Variants in SAMD8 observed in about 807,000 individuals in gnomAD.
SAMD8 encodes sphingomyelin synthase-related protein 1.
Under a neutral mutation model 42.0 loss-of-function variants are expected in SAMD8, and 20 were observed. The ratio of observed to expected loss-of-function variants is 0.48; its 90% CI spans 0.34 to 0.69. The LOEUF (loss-of-function observed/expected upper bound fraction) is 0.69. Ranked by LOEUF, SAMD8 falls within the 30% of genes least tolerant of loss-of-function variation. SAMD8 has a pLI of 0.01. For missense variants in SAMD8, 328 were observed against 511.6 expected, an observed-to-expected ratio of 0.64 and a Z score of 3.46; for synonymous variants, 162 against 173.0, an observed-to-expected ratio of 0.94 and a Z score of 0.50.
intron 4 of SAMD8, among the ~76,000 whole-genome samples, chr10:75,171,565 A>G (rs1032497324): frequency 3.9e-5 from 6 of 152,198 alleles, no homozygotes; most frequent in African/African-American, 1.4e-4. Flanking sequence ...CATTGTGGAT[A>G]CCAGGCTCCA....
chr10:75,135,582 T>G (rs1197335511), intron 1 of SAMD8, among the ~76,000 whole-genome samples: 1 of 152,032 alleles, frequency 6.6e-6, no homozygotes, highest in Non-Finnish European at 1.5e-5. Flanking sequence ...TCCCAGCACT[T>G]TGGGAGGCCG....
chr10:75,147,729 G>C (rs971650228), intron 1 of SAMD8, among the ~76,000 whole-genome samples: 1 of 152,228 alleles, frequency 6.6e-6, no homozygotes, highest in Non-Finnish European at 1.5e-5. Flanking sequence ...AAGTAATTTA[G>C]TCAGAGATAC....
intron 2 of SAMD8, among the ~76,000 whole-genome samples, chr10:75,152,728 T>C (rs1840321466): frequency 6.6e-6 from 1 of 151,824 alleles, no homozygotes; most frequent in Admixed American, 6.6e-5. Context: ...TAGCCAAGCA[T>C]GATGGCACAT....
At chr10:75,145,969 G>A (rs901400615) in intron 1 of SAMD8, among the ~76,000 whole-genome samples, 1 of 152,150 alleles carries the variant, frequency 6.6e-6, no homozygotes, top group Non-Finnish European at 1.5e-5. Context: ...GTCTTGGTTA[G>A]TTTCCTTACA....
chr10:75,124,809 C>CT (rs199513847), intron 1 of SAMD8, among the ~76,000 whole-genome samples: 11,779 of 144,962 alleles, frequency 0.081, 522 homozygotes, highest in Middle Eastern at 0.13. Flanking sequence ...TTCTTTTTTT[C>CT]TTTTTTTTTT....
At position 75,134,230 on chromosome 10, in the gene SAMD8, G is replaced by A. The variant is rs372997804; in HGVS notation, c.-15-16284G>A. Among the ~76,000 whole-genome samples the A allele has an allele frequency of 2.4e-4, 36 of 152,250 alleles. 2 individuals are homozygous for A. The East Asian group carries it at 5.4e-3, about 23-fold the overall frequency. ...GAACATCAGGATAAATAGCTAATGC[G>A]TGCAGGGCTTAATACCTAGGTGATG... On this transcript the variant is annotated intron_variant, in intron 1 of 5. Transcript: ENST00000542569.
chr10:75,168,719 A>G (rs557091324), intron 4 of SAMD8, 61 bp downstream of exon 4: 11 of 1,007,138 alleles, frequency 1.1e-5, no homozygotes, highest in Middle Eastern at 4.1e-4. Context: ...ACTATATGCA[A>G]TAGGGCTAAG....
intron 2 of SAMD8, chr10:75,164,405 C>A: frequency 3.2e-5 from 13 of 401,100 alleles, no homozygotes; most frequent in Non-Finnish European, 4.0e-5. Flanking sequence ...TTTTTTTCCT[C>A]TGGTATTTGC....
chr10:75,116,648 T>C (rs1014061818), intron 1 of SAMD8, among the ~76,000 whole-genome samples: 6 of 152,180 alleles, frequency 3.9e-5, no homozygotes, highest in African/African-American at 1.4e-4. Context: ...GGAATTGATG[T>C]CAGTTCCATC....
intron 1 of SAMD8, among the ~76,000 whole-genome samples, chr10:75,129,650 G>A (rs1212128866): frequency 6.6e-6 from 1 of 152,114 alleles, no homozygotes; most frequent in Admixed American, 6.6e-5. Flanking sequence ...AGTAGAAAAT[G>A]GTTTGTTTAT....
intron 2 of SAMD8, among the ~76,000 whole-genome samples, chr10:75,163,272 C>T (rs991037469): frequency 3.9e-5 from 6 of 152,088 alleles, no homozygotes; most frequent in Non-Finnish European, 8.8e-5. Flanking sequence ...ATAAAATTAA[C>T]ATGTCATTGT....
chr10:75,105,873 G>A (rs1564666911), intron 1 of SAMD8: 1 of 1,545,902 alleles, frequency 6.5e-7, no homozygotes, highest in Non-Finnish European at 8.7e-7. Context: ...CCTTGGCTGA[G>A]GAAGACATCC....
At chr10:75,171,875 A>T (rs1840875791) in intron 4 of SAMD8, among the ~76,000 whole-genome samples, 1 of 151,956 alleles carries the variant, frequency 6.6e-6, no homozygotes, top group Admixed American at 6.6e-5. Flanking sequence ...AAATACAAAT[A>T]ATTAGCTGGG....
rs746078445 is a variant in SAMD8, at chr10:75,103,982, T to G, written c.-16+4254T>G. 8.2e-6 allele frequency: 11 copies of G among 1,346,780 alleles called. No individual in the cohort carries two copies. In the Admixed American group the frequency reaches 2.2e-4, roughly 27 times the overall value. The allele number at this position is 1,346,780 out of a possible 1,614,324, so 83.4% of individuals were successfully genotyped here. A position where few individuals can be genotyped will look rare whatever the true frequency, so the allele number is the denominator to read the frequency against. On this transcript the variant is annotated intron_variant, in intron 1 of 3. Coordinates refer to the SAMD8 transcript ENST00000447533. Reference sequence around the variant, plus strand: ...GCAGGCTCTAGGGCCGACCCCACGCTGGGCTTCCACCATCTTCTGTGTGTC... The same window carrying G: ...GCAGGCTCTAGGGCCGACCCCACGCGGGGCTTCCACCATCTTCTGTGTGTC...
At chr10:75,106,531 C>CT in intron 1 of SAMD8, among the ~76,000 whole-genome samples, 3 of 152,210 alleles carry the variant, frequency 2.0e-5, no homozygotes, top group Non-Finnish European at 4.4e-5. Context: ...AGCAGCTCAT[C>CT]TTTTTTGCAT....
At chr10:75,158,222 C>T (rs1018876438) in intron 2 of SAMD8, among the ~76,000 whole-genome samples, 8 of 151,384 alleles carry the variant, frequency 5.3e-5, no homozygotes, top group Admixed American at 5.3e-4. Flanking sequence ...TAATAAAAAA[C>T]AAGCAAAAAA....
At chr10:75,145,884 A>G (rs977416049) in intron 1 of SAMD8, among the ~76,000 whole-genome samples, 7 of 152,044 alleles carry the variant, frequency 4.6e-5, no homozygotes, top group South Asian at 4.1e-4. Context: ...CCTTTTTTCA[A>G]TCTGGCTCTT....
chr10:75,114,667 A>G (rs1848837477), intron 1 of SAMD8, among the ~76,000 whole-genome samples: 1 of 152,232 alleles, frequency 6.6e-6, no homozygotes, highest in South Asian at 2.1e-4. Context: ...TGCCATGTTA[A>G]CAAGCTATTC....
chr10:75,111,534 A>G, upstream of SAMD8: 1 of 1,231,990 alleles, frequency 8.1e-7, no homozygotes, highest in Non-Finnish European at 1.0e-6. Context: ...CGCGGCGGTG[A>G]CGGCGGCCGG....
Sources: gnomAD v4.1 joint callset for allele counts (sites outside exome capture counted in the v4.1 genomes callset) on GRCh38, gnomAD v4.1.1 for gene constraint, MANE v1.5 for transcripts, NCBI Gene and HGNC (gene_info 2026-07-23, HGNC 2026-07-21) for gene names.